SBNO2: variants seen among roughly 807,000 people sequenced by gnomAD.
SBNO2 encodes the protein strawberry notch homolog 2, also known as protein strawberry notch homolog 2.
Under a neutral mutation model 146.3 loss-of-function variants are expected in SBNO2, and 89 were observed. The ratio of observed to expected loss-of-function variants is 0.61; its 90% CI spans 0.51 to 0.73. SBNO2 has a LOEUF of 0.73. Ranked by LOEUF, SBNO2 falls within the 30% of genes least tolerant of loss-of-function variation. The probability of loss-of-function intolerance (pLI) is 0.00; values close to 1 mark genes in which losing one functional copy is unlikely to be tolerated. For missense variants in SBNO2, 2,092 were observed against 2,003.7 expected, an observed-to-expected ratio of 1.04 and a Z score of -0.84; for synonymous variants, 1,147 against 892.6, an observed-to-expected ratio of 1.29 and a Z score of -5.08.
chr19:1,154,609 A>T (rs923167294), intron 1 of SBNO2, among the ~76,000 whole-genome samples: 1 of 151,786 alleles, frequency 6.6e-6, no homozygotes, highest in Non-Finnish European at 1.5e-5. Flanking sequence ...TGCTGCCCAC[A>T]GCGCCTTTCC....
intron 1 of SBNO2, among the ~76,000 whole-genome samples, chr19:1,165,190 C>T (rs1361682819): frequency 6.6e-6 from 1 of 152,162 alleles, no homozygotes. Context: ...CATCTGACCC[C>T]GCCGTCAGGA....
chr19:1,122,350 A>C, intron 10 of SBNO2, 68 bp from the exon 11 acceptor site: 1 of 1,512,070 alleles, frequency 6.6e-7, no homozygotes, highest in Non-Finnish European at 8.9e-7. Flanking sequence ...GGGTCTCCCT[A>C]TCTGTAAGGG....
rs373566819 is a variant in SBNO2, at chr19:1,110,920, C to T, written c.2885-32G>A. 66 of 1,611,464 alleles carry T rather than the reference C, an allele frequency of 4.1e-5. No individual in the cohort carries two copies. Among genetic ancestry groups the T allele is most frequent in the South Asian group, 5.5e-5 (5 of 91,042 alleles). On this transcript the variant is annotated intron_variant, in intron 25 of 31. Transcript: ENST00000361757. This position sits in a 1 kb window ranked among gnomAD's most constrained non-coding sequence, Gnocchi z 4.9. ...GGGGAGGGAGCCAAGCCTCAGGCTGCGCTGGGAATCCCTCTCCCTGCTTTG... is the reference window on the plus strand; with the variant it reads ...GGGGAGGGAGCCAAGCCTCAGGCTGTGCTGGGAATCCCTCTCCCTGCTTTG...
intron 5 of SBNO2, 112 bp from the exon 6 acceptor site, chr19:1,124,134 C>T: frequency 2.1e-6 from 2 of 955,564 alleles, no homozygotes; most frequent in Middle Eastern, 3.1e-4. Flanking sequence ...CCTCGCCTCC[C>T]CATCCTCGCT....
intron 1 of SBNO2, among the ~76,000 whole-genome samples, chr19:1,166,212 CCCAGACCCGAGATT>C (rs2080422826): frequency 7.3e-6 from 1 of 137,430 alleles, no homozygotes; most frequent in Non-Finnish European, 1.6e-5. Context: ...ATCCCCAGAT[CCCAGACCCGAGATT>C]CCAGACCCCA....
intron 11 of SBNO2, 90 bp downstream of exon 11, chr19:1,122,049 T>C: frequency 3.7e-6 from 2 of 546,604 alleles, no homozygotes; most frequent in South Asian, 4.7e-5. Flanking sequence ...CTCCCCTGAC[T>C]CCCACCCCTC....
chr19:1,143,658 C>T (rs548233508), intron 4 of SBNO2, among the ~76,000 whole-genome samples: 10 of 152,234 alleles, frequency 6.6e-5, no homozygotes, highest in Non-Finnish European at 1.2e-4. Context: ...GCCCCTTCTT[C>T]CCCCTTCACG....
At chr19:1,141,260 G>A (rs1205339352) in intron 4 of SBNO2, among the ~76,000 whole-genome samples, 1 of 151,808 alleles carries the variant, frequency 6.6e-6, no homozygotes, top group Non-Finnish European at 1.5e-5. Context: ...TGTCACCCAG[G>A]CTCGAATGCA....
rs112565687 is a variant in SBNO2 at position 1,173,125 on chromosome 19, C to T, written c.-127+1047G>A. ...GTGGGCTCTCCACAACGCCTGCCCC[C>T]CACGCCCCAGGTCAGTCTGGGGATT... On this transcript the variant is annotated intron_variant, in intron 1 of 31. Coordinates refer to ENST00000361757, the MANE Select transcript of SBNO2 (RefSeq NM_014963.3). This position sits in a 1 kb window ranked among gnomAD's most constrained non-coding sequence, Gnocchi z 4.7. Among the ~76,000 whole-genome samples, 53 of 152,320 alleles carry T rather than the reference C, an allele frequency of 3.5e-4. No homozygotes were observed. The highest frequency in any genetic ancestry group is 5.7e-4 in the Non-Finnish European group (39 of 68,018).
chr19:1,158,393 C>T lies in SBNO2; in HGVS notation c.-126-3991G>A, dbSNP rs924011958. On this transcript the variant is annotated intron_variant, in intron 1 of 31. Coordinates refer to ENST00000361757, the MANE Select transcript of SBNO2 (RefSeq NM_014963.3). This position sits in a 1 kb window ranked among gnomAD's most constrained non-coding sequence, Gnocchi z 9.9. ...CCTAGGTGGAGCCTTGACGTGACCC[C>T]CAGAGCCAGACTCAGCAGCTCAGGC... Among the ~76,000 whole-genome samples the T allele has an allele frequency of 6.6e-6, 1 of 152,154 alleles. No individual in the cohort carries two copies. The highest frequency in any genetic ancestry group is 2.4e-5 in the African/African-American group (1 of 41,422).
chr19:1,123,716 G>T, intron 6 of SBNO2, 77 bp from the exon 7 acceptor site: 3 of 1,413,564 alleles, frequency 2.1e-6, no homozygotes, highest in Non-Finnish European at 2.9e-6. Flanking sequence ...AGGGGCAGGG[G>T]CCAGGCTGAC....
intron 4 of SBNO2, among the ~76,000 whole-genome samples, chr19:1,146,390 G>C (rs2080190055): frequency 6.6e-6 from 1 of 152,176 alleles, no homozygotes; most frequent in African/African-American, 2.4e-5. Context: ...GACCTGAATT[G>C]GCTCCATTCT....
intron 1 of SBNO2, among the ~76,000 whole-genome samples, chr19:1,166,184 C>G: frequency 7.1e-6 from 1 of 141,498 alleles, no homozygotes; most frequent in Non-Finnish European, 1.6e-5. Context: ...CCCCAGATCC[C>G]AGACTTCAGA....
chr19:1,159,433 T>C (rs1373479142), intron 1 of SBNO2, among the ~76,000 whole-genome samples: 1 of 25,214 alleles, frequency 4.0e-5, no homozygotes, highest in South Asian at 1.5e-3. Flanking sequence ...TGAGAGACCT[T>C]GGGGGGACGG....
intron 4 of SBNO2, among the ~76,000 whole-genome samples, chr19:1,141,661 C>T (rs1465041421): frequency 6.6e-6 from 1 of 152,060 alleles, no homozygotes; most frequent in Non-Finnish European, 1.5e-5. Context: ...GCATCCATCA[C>T]GGACACACGG....
In SBNO2 at chr19:1,108,040, C is replaced by T. The variant is rs2079692873; in HGVS notation, c.*180G>A. On this transcript the variant is annotated 3_prime_UTR_variant, in exon 32 of 32. Transcript: ENST00000361757. ...CTGCCACGCCCCGGCCCCCAGCTGT[C>T]CTGAGTGGGCCCCGCCAGGGCTGAC... The T allele has an allele frequency of 1.8e-6, 1 of 554,792 alleles. No homozygotes were observed. The highest frequency in any genetic ancestry group is 4.6e-5 in the Admixed American group (1 of 21,554). The allele number at this position is 554,792 out of a possible 1,614,324, so 34.4% of individuals were successfully genotyped here.
Position 1,149,437 on chromosome 19 carries a change from G to A in SBNO2, c.99C>T (p.Ala33=), listed in dbSNP as rs775145865. Residue 33 remains alanine, a synonymous_variant, in exon 3 of 32, where the codon GCC becomes GCT. Transcript: ENST00000361757. ...LLYSPPPLQS[A]MLHCPYWNTF... ...TGTTCCAGTAGGGGCAGTGCAGCAT[G>A]GCGCTCTAGAAGAGACAGCGGGCAT... The A allele has an allele frequency of 3.7e-5, 57 of 1,551,674 alleles. No individual in the cohort carries two copies. Among genetic ancestry groups the A allele is most frequent in the Non-Finnish European group, 5.0e-5 (57 of 1,147,856 alleles).
At position 1,109,622 on chromosome 19, in the gene SBNO2, G is replaced by A. The variant is rs763959670; in HGVS notation, c.3124-24C>T. The A allele has an allele frequency of 1.3e-6, 2 of 1,558,098 alleles. No homozygotes were observed. The highest frequency in any genetic ancestry group is 1.7e-6 in the Non-Finnish European group (2 of 1,148,160). On this transcript the variant is annotated intron_variant, in intron 27 of 31. Coordinates refer to ENST00000361757, the MANE Select transcript of SBNO2 (RefSeq NM_014963.3). The surrounding 1 kb of genome is among the most constrained non-coding windows in gnomAD (Gnocchi z 4.2). ...ATCTGCCACGGCACGGGGTGGGGGG[G>A]TGTGAGTGTGGTGGGGGCGGGGTGG...
rs895613365 is a variant in SBNO2, at chr19:1,155,819, T to A, written c.-126-1417A>T. Among the ~76,000 whole-genome samples the A allele has an allele frequency of 1.6e-4, 24 of 152,138 alleles. 1 individual carries two copies. The highest frequency in any genetic ancestry group is 4.4e-5 in the Non-Finnish European group (3 of 67,992). On this transcript the variant is annotated intron_variant, in intron 1 of 31. Coordinates refer to ENST00000361757, the MANE Select transcript of SBNO2 (RefSeq NM_014963.3). ...GGGTCCCCATCCAGGGGCCCACCAG[T>A]GCTAGGGGGTGGCCCACCCCCTGCC...
Sources: gnomAD v4.1 joint callset for allele counts (sites outside exome capture counted in the v4.1 genomes callset) on GRCh38, gnomAD v4.1.1 for gene constraint, Gnocchi (gnomAD v3.1) non-coding constraint, MANE v1.5 for transcripts, NCBI Gene and HGNC (gene_info 2026-07-23, HGNC 2026-07-21) for gene names.